Variants in PDE1C observed in about 807,000 individuals in gnomAD.
PDE1C encodes dual specificity calcium/calmodulin-dependent 3',5'-cyclic nucleotide phosphodiesterase 1C.
A neutral mutation model predicts 93.1 loss-of-function variants in PDE1C; 62 were observed. The observed-to-expected ratio is 0.67, with a 90% CI of 0.54 to 0.82. The LOEUF (loss-of-function observed/expected upper bound fraction) is 0.82. PDE1C is among the 40% of genes least tolerant of loss of function. The pLI is 0.00. For synonymous variants in PDE1C, 325 were observed against 310.1 expected (o/e 1.05, Z -0.50); for missense variants, 742 against 884.6 (o/e 0.84, Z 2.04).
chr7:31,920,154 G>A (rs111864133), intron 2 of PDE1C, among the ~76,000 whole-genome samples: 18 of 152,232 alleles, frequency 1.2e-4, no homozygotes, highest in African/African-American at 3.9e-4. Flanking sequence ...TGGGCTCAAC[G>A]TCCTACCCAT....
At chr7:32,302,909 G>A (rs1055607135), upstream of PDE1C, among the ~76,000 whole-genome samples, 3 of 152,026 alleles carry the variant, frequency 2.0e-5, no homozygotes, top group Non-Finnish European at 2.9e-5. Context: ...TAAGAGCATC[G>A]TGCACACACC....
chr7:31,644,382 C>T, the PDE1C span, among the ~76,000 whole-genome samples: 1 of 152,198 alleles, frequency 6.6e-6, no homozygotes, highest in Non-Finnish European at 1.5e-5. Flanking sequence ...TGCACTGACA[C>T]AGGATTGTTT....
chr7:31,826,753 C>T (rs1219523102), intron 12 of PDE1C, among the ~76,000 whole-genome samples: 1 of 152,150 alleles, frequency 6.6e-6, no homozygotes, highest in Non-Finnish European at 1.5e-5. Context: ...CTTTCCTTGC[C>T]TCTAATCTTA....
chr7:32,426,423 A>T (rs1158968801), intron 1 of PDE1C, among the ~76,000 whole-genome samples: 2 of 151,952 alleles, frequency 1.3e-5, no homozygotes, highest in African/African-American at 4.8e-5. Context: ...ACAGGCATGC[A>T]CCATCATGCC....
chr7:32,331,437 G>T (rs13231498), intron 1 of PDE1C, among the ~76,000 whole-genome samples: 4,717 of 152,262 alleles, frequency 0.031, 137 homozygotes, highest in African/African-American at 0.076. Flanking sequence ...TACAAATTGC[G>T]ATCAGTGCTA....
chr7:32,343,996 A>G (rs1444382386), intron 1 of PDE1C, among the ~76,000 whole-genome samples: 1 of 152,258 alleles, frequency 6.6e-6, no homozygotes, highest in Non-Finnish European at 1.5e-5. Flanking sequence ...TGTAACTATA[A>G]TACACCCAAA....
intron 2 of PDE1C, among the ~76,000 whole-genome samples, chr7:31,974,783 G>C (rs1036730138): frequency 1.3e-5 from 2 of 152,126 alleles, no homozygotes; most frequent in Non-Finnish European, 2.9e-5. Context: ...AGAACTCTGG[G>C]GGATGATGGA....
chr7:32,370,187 C>T (rs1474450112), intron 1 of PDE1C, among the ~76,000 whole-genome samples: 3 of 152,148 alleles, frequency 2.0e-5, no homozygotes, highest in Admixed American at 6.5e-5. Flanking sequence ...CAGTGGCTCA[C>T]GCCTGTAATC....
intron 2 of PDE1C, among the ~76,000 whole-genome samples, chr7:32,035,671 G>A (rs56055243): frequency 0.06 from 9,098 of 152,186 alleles, 320 homozygotes; most frequent in Non-Finnish European, 0.074. Flanking sequence ...AAGAGCATCC[G>A]AATTATTTGC....
intron 9 of PDE1C, among the ~76,000 whole-genome samples, chr7:31,843,179 T>A (rs1482250713): frequency 6.6e-6 from 1 of 151,984 alleles, no homozygotes; most frequent in Non-Finnish European, 1.5e-5. Flanking sequence ...TATATTGCAG[T>A]TGTTGCATGG....
chr7:31,858,915 C>A (rs1381836957), intron 7 of PDE1C, among the ~76,000 whole-genome samples: 1 of 150,854 alleles, frequency 6.6e-6, no homozygotes, highest in Non-Finnish European at 1.5e-5. Flanking sequence ...CTAGTATTAA[C>A]AATAAAAAGT....
At chr7:32,256,929 C>G (rs1809835208) in intron 1 of PDE1C, among the ~76,000 whole-genome samples, 1 of 152,158 alleles carries the variant, frequency 6.6e-6, no homozygotes, top group Non-Finnish European at 1.5e-5. Context: ...TTTGAGCAGG[C>G]CCCCAGAAAA....
At chr7:32,323,907 C>T (rs1011438201) in intron 1 of PDE1C, among the ~76,000 whole-genome samples, 3 of 152,118 alleles carry the variant, frequency 2.0e-5, no homozygotes, top group Non-Finnish European at 2.9e-5. Context: ...CCTGTCCCAT[C>T]GCACACTGTG....
chr7:31,982,148 G>T (rs1812472231), intron 2 of PDE1C, among the ~76,000 whole-genome samples: 1 of 152,160 alleles, frequency 6.6e-6, no homozygotes, highest in Non-Finnish European at 1.5e-5. Context: ...CTCCTCCAAG[G>T]AGTCAACAGC....
chr7:32,346,184 G>A (rs1435830208), intron 1 of PDE1C, among the ~76,000 whole-genome samples: 2 of 152,312 alleles, frequency 1.3e-5, no homozygotes, highest in African/African-American at 2.4e-5. Context: ...ACTCAGAAGG[G>A]CCTCTGAACT....
At chr7:32,259,643 A>T (rs1045407638) in intron 1 of PDE1C, among the ~76,000 whole-genome samples, 6 of 152,136 alleles carry the variant, frequency 3.9e-5, no homozygotes, top group Non-Finnish European at 8.8e-5. Flanking sequence ...AACAAAACAA[A>T]TCACTTCTCT....
At chr7:32,169,710 A>T (rs1243066422) in intron 3 of PDE1C, 1 of 1,243,942 alleles carries the variant, frequency 8.0e-7, no homozygotes, top group Admixed American at 1.7e-5. Context: ...GGCCACACTG[A>T]CTATGCATCT....
At chr7:31,833,420 GCAGAGGTTGGAACAGTTTGGAGAGCT>G (rs1347037995) in intron 11 of PDE1C, among the ~76,000 whole-genome samples, 2 of 152,198 alleles carry the variant, frequency 1.3e-5, no homozygotes, top group Non-Finnish European at 2.9e-5. Flanking sequence ...TGGGTAACAG[GCAGAGGTTGGAACAGTTTGGAGAGCT>G]CAGAAGAAGA....
chr7:31,949,963 G>C (rs1444794467), intron 2 of PDE1C, among the ~76,000 whole-genome samples: 1 of 152,058 alleles, frequency 6.6e-6, no homozygotes, highest in Non-Finnish European at 1.5e-5. Context: ...TCAAAGACCT[G>C]CTACAGTGAA....
Sources: allele counts gnomAD v4.1 joint callset (sites outside exome capture counted in the v4.1 genomes callset), GRCh38; gene constraint gnomAD v4.1.1; transcripts MANE v1.5; gene names NCBI Gene and HGNC (gene_info 2026-07-23, HGNC 2026-07-21).